CCDC192: variants seen among roughly 807,000 people sequenced by gnomAD.
CCDC192 encodes the protein coiled-coil domain containing 192.
At chr5:127,849,018 T>G (rs990013166) in intron 5 of CCDC192, among the ~76,000 whole-genome samples, 3 of 151,996 alleles carry the variant, frequency 2.0e-5, no homozygotes, top group African/African-American at 4.8e-5. Context: ...TCACTTGAAG[T>G]CAAGAGTTTG....
chr5:127,854,206 C>T (rs1017181283), intron 5 of CCDC192, among the ~76,000 whole-genome samples: 1 of 152,116 alleles, frequency 6.6e-6, no homozygotes, highest in African/African-American at 2.4e-5. Flanking sequence ...CCTTGAGTTC[C>T]TCATAGCTCA....
At chr5:127,790,981 C>A (rs2126954842) in intron 3 of CCDC192, among the ~76,000 whole-genome samples, 1 of 152,228 alleles carries the variant, frequency 6.6e-6, no homozygotes, top group South Asian at 2.1e-4. Context: ...CTTTAAATGA[C>A]CAATTTCTAT....
At chr5:127,792,565 A>G (rs997873890) in intron 3 of CCDC192, among the ~76,000 whole-genome samples, 12 of 148,222 alleles carry the variant, frequency 8.1e-5, no homozygotes, top group Non-Finnish European at 7.5e-5. Context: ...AATTAGCTGG[A>G]TGTGGTGGTG....
At chr5:127,804,274 A>G (rs10519960) in intron 5 of CCDC192, among the ~76,000 whole-genome samples, 42,594 of 152,084 alleles carry the variant, frequency 0.28, 6,726 homozygotes, top group South Asian at 0.43. Flanking sequence ...TTTGGCAATA[A>G]TACCCAGATA....
chr5:127,720,054 A>T (rs1437128228), intron 2 of CCDC192, among the ~76,000 whole-genome samples: 3 of 152,126 alleles, frequency 2.0e-5, no homozygotes, highest in African/African-American at 7.2e-5. Context: ...TCCTTCTCAC[A>T]TTGCAAAATA....
At chr5:127,749,683 G>A (rs189082038) in intron 2 of CCDC192, among the ~76,000 whole-genome samples, 164 of 152,238 alleles carry the variant, frequency 1.1e-3, no homozygotes, top group African/African-American at 3.4e-3. Flanking sequence ...GTTTCAGAAG[G>A]AATGGTACCA....
intron 3 of CCDC192, among the ~76,000 whole-genome samples, chr5:127,792,061 C>T (rs927286411): frequency 2.6e-5 from 4 of 152,154 alleles, no homozygotes; most frequent in African/African-American, 7.2e-5. Flanking sequence ...CCTGTAATCC[C>T]AGCACTTTGG....
At chr5:127,815,336 C>A (rs1014841525) in intron 5 of CCDC192, among the ~76,000 whole-genome samples, 4 of 152,178 alleles carry the variant, frequency 2.6e-5, no homozygotes, top group African/African-American at 9.7e-5. Context: ...TAAAATTCTT[C>A]CTCTCTCTTG....
intron 2 of CCDC192, among the ~76,000 whole-genome samples, chr5:127,734,395 A>C (rs1752842059): frequency 1.3e-5 from 2 of 151,888 alleles, no homozygotes; most frequent in Admixed American, 1.3e-4. Flanking sequence ...ATACGTGTGC[A>C]TGTGTCTTTA....
At chr5:127,703,654 C>T in intron 1 of CCDC192, 147 bp downstream of exon 1, 1 of 381,814 alleles carries the variant, frequency 2.6e-6, no homozygotes. Flanking sequence ...GAGAGTGACC[C>T]CTTTCTTTGA....
intron 2 of CCDC192, among the ~76,000 whole-genome samples, chr5:127,711,016 G>C (rs1469507270): frequency 3.3e-5 from 5 of 152,144 alleles, no homozygotes; most frequent in Admixed American, 1.3e-4. Context: ...AGAATAGCTA[G>C]TGCATATAAA....
chr5:127,728,586 A>G (rs1407242250), intron 2 of CCDC192, among the ~76,000 whole-genome samples: 2 of 152,258 alleles, frequency 1.3e-5, no homozygotes, highest in African/African-American at 2.4e-5. Flanking sequence ...CAGCCACTAC[A>G]AAAACACACT....
intron 2 of CCDC192, among the ~76,000 whole-genome samples, chr5:127,738,219 G>T (rs1442133280): frequency 2.7e-5 from 4 of 149,962 alleles, no homozygotes; most frequent in Non-Finnish European, 5.9e-5. Context: ...TGAAATTCTG[G>T]GTTGAAAATT....
chr5:127,916,581 G>A (rs1753526145), intron 6 of CCDC192, among the ~76,000 whole-genome samples: 3 of 152,232 alleles, frequency 2.0e-5, no homozygotes, highest in Non-Finnish European at 4.4e-5. Context: ...AAGAATAGAT[G>A]TTACATTAGC....
At chr5:127,937,606 T>G (rs769373442) in intron 6 of CCDC192, among the ~76,000 whole-genome samples, 3 of 152,228 alleles carry the variant, frequency 2.0e-5, no homozygotes, top group Non-Finnish European at 4.4e-5. Context: ...AGTTTCTTGT[T>G]TAAGCCACCC....
In CCDC192 at chr5:127,895,958, T is replaced by A. The variant is rs530751304; in HGVS notation, c.535+20297T>A. On this transcript the variant is annotated intron_variant, in intron 6 of 6. Transcript: ENST00000514853. ...AGGCAATTGGTTTCGTATAATTTTT[T>A]AAAATCTCTAAATTGGCTTTATTTG... Among the ~76,000 whole-genome samples the A allele has an allele frequency of 3.9e-5, 6 of 152,350 alleles. No individual in the cohort carries two copies. The East Asian group carries it at 1.2e-3, about 29-fold the overall frequency.
chr5:127,784,334 T>C (rs1220559160), intron 3 of CCDC192, among the ~76,000 whole-genome samples: 1 of 152,212 alleles, frequency 6.6e-6, no homozygotes, highest in Non-Finnish European at 1.5e-5. Flanking sequence ...CATGTCTTGA[T>C]TTAAATGCAG....
chr5:127,796,470 T>C (rs1757173284), intron 3 of CCDC192, among the ~76,000 whole-genome samples: 1 of 152,158 alleles, frequency 6.6e-6, no homozygotes, highest in South Asian at 2.1e-4. Flanking sequence ...ACAGGCACTC[T>C]CTAAGGGAAT....
chr5:127,893,218 G>A (rs1752781617), intron 6 of CCDC192, among the ~76,000 whole-genome samples: 1 of 152,180 alleles, frequency 6.6e-6, no homozygotes, highest in Non-Finnish European at 1.5e-5. Flanking sequence ...GTAATGAACA[G>A]AATATGGATT....
Sources: allele counts gnomAD v4.1 joint callset (sites outside exome capture counted in the v4.1 genomes callset), GRCh38; gene constraint gnomAD v4.1.1; transcripts MANE v1.5; gene names NCBI Gene and HGNC (gene_info 2026-07-23, HGNC 2026-07-21).